FRMPD3: variants seen among roughly 807,000 people sequenced by gnomAD.
FRMPD3 encodes FERM and PDZ domain containing 3, also known as FERM and PDZ domain-containing protein 3.
Under a neutral mutation model 97.9 loss-of-function variants are expected in FRMPD3, and 42 were observed. The observed-to-expected ratio is 0.43, with a 90% CI of 0.34 to 0.55. The LOEUF is 0.55. Among genes scored for constraint, FRMPD3 ranks in the 20% least tolerant of loss-of-function variants. FRMPD3 has a pLI of 0.03. For synonymous variants in FRMPD3, 577 were observed against 581.1 expected (o/e 0.99, Z 0.10); for missense variants, 1,303 against 1,457.7 (o/e 0.89, Z 1.73).
At chrX:107,480,824 CA>C (rs59051211) in intron 1 of FRMPD3, among the ~76,000 whole-genome samples, 1,098 of 30,924 alleles carry the variant, frequency 0.036, 21 homozygotes, top group African/African-American at 0.1. Flanking sequence ...GAAACTCCGT[CA>C]AAAAAAAAAA....
intron 1 of FRMPD3, among the ~76,000 whole-genome samples, chrX:107,450,501 A>T (rs1931263841): frequency 9.2e-6 from 1 of 108,584 alleles, no homozygotes; most frequent in South Asian, 4.1e-4. Flanking sequence ...GCGCACACAC[A>T]CGCACACACA....
In FRMPD3 at chrX:107,597,961, A is replaced by G; in HGVS notation, c.2082A>G (p.Gly694=). The change falls in exon 14 of 15, where the codon GGA becomes GGG. Residue 694 remains glycine, a synonymous_variant. Coordinates refer to ENST00000683843, the MANE Select transcript of FRMPD3 (RefSeq NM_001388459.1). ...GGGCTGTCCAGAGCCAGGAACAAGG[A>G]CGCCACCTGCGTGGGCTTCTGTACG... is the stretch of plus-strand genomic sequence containing the variant. ...KRRAVQSQEQ[G]RHLRGLLYDE... 2.5e-6 allele frequency: 3 copies of G among 1,210,697 alleles called. No homozygotes were observed. The highest frequency in any genetic ancestry group is 3.4e-6 in the Non-Finnish European group (3 of 895,389).
intron 2 of FRMPD3, among the ~76,000 whole-genome samples, chrX:107,529,499 C>A (rs1922840952): frequency 9.0e-6 from 1 of 110,798 alleles, no homozygotes; most frequent in South Asian, 3.9e-4. Context: ...GTGGGAGAAT[C>A]TGTTGAACCT....
At chrX:107,501,137 C>G (rs1921894881) in intron 1 of FRMPD3, among the ~76,000 whole-genome samples, 1 of 109,463 alleles carries the variant, frequency 9.1e-6, no homozygotes, top group Admixed American at 9.9e-5. Context: ...GTGTTTCTTT[C>G]TTTATACCCC....
At chrX:107,490,557 C>T (rs1367714907) in intron 1 of FRMPD3, among the ~76,000 whole-genome samples, 1 of 110,951 alleles carries the variant, frequency 9.0e-6, no homozygotes, top group Non-Finnish European at 1.9e-5. Flanking sequence ...CTTCACATCC[C>T]TTGTAAGTTG....
rs1032340913 is a variant in FRMPD3 at position 107,601,704 on chromosome X, C to T, written c.3665C>T (p.Ala1222Val). The T allele has an allele frequency of 8.3e-7, 1 of 1,209,853 alleles. No homozygotes were observed. Among genetic ancestry groups the T allele is most frequent in the Non-Finnish European group, 1.1e-6 (1 of 895,279 alleles). ...GPFRLRNLFS[A>V]TFPTRQKKET... ...TTCCGGCTACGCAATTTATTCTCTG[C>T]CACCTTCCCAACCCGCCAGAAGAAG... The change falls in exon 15 of 15, where the codon GCC (alanine) becomes GTC (valine). Residue 1222 changes from alanine to valine, a missense_variant. Ala to Val is a moderately conservative substitution (Grantham distance 64). Around this residue, in one of 3 missense-constraint regions of FRMPD3, gnomAD observed 764 missense variants for 820.2 expected, o/e 0.93. Transcript: ENST00000683843.
intron 1 of FRMPD3, among the ~76,000 whole-genome samples, chrX:107,482,966 C>T (rs189975520): frequency 1.8e-5 from 2 of 112,432 alleles, no homozygotes; most frequent in East Asian, 5.6e-4. Context: ...CCTCAACCCA[C>T]TGGTCTGATG....
At chrX:107,500,125 A>T (rs1459158831) in intron 1 of FRMPD3, among the ~76,000 whole-genome samples, 1 of 112,046 alleles carries the variant, frequency 8.9e-6, no homozygotes, top group East Asian at 2.8e-4. Flanking sequence ...GCAACACAAC[A>T]GTACAAATAC....
At chrX:107,591,802 G>C (rs1923915300) in intron 13 of FRMPD3, among the ~76,000 whole-genome samples, 1 of 110,569 alleles carries the variant, frequency 9.0e-6, no homozygotes, top group South Asian at 3.8e-4. Context: ...ATATTTGTGG[G>C]GTACACGAGA....
chrX:107,453,220 C>T (rs185308228), intron 1 of FRMPD3, among the ~76,000 whole-genome samples: 56 of 111,371 alleles, frequency 5.0e-4, no homozygotes, highest in Admixed American at 1.4e-3. Flanking sequence ...TACACACACA[C>T]ATATCACACA....
At chrX:107,491,926 T>C (rs932053668) in intron 1 of FRMPD3, among the ~76,000 whole-genome samples, 4 of 110,174 alleles carry the variant, frequency 3.6e-5, no homozygotes, top group African/African-American at 1.3e-4. Context: ...AGTAGGACTT[T>C]ACAGAGTAAT....
intron 1 of FRMPD3, among the ~76,000 whole-genome samples, chrX:107,523,353 G>C (rs922336116): frequency 1.1e-4 from 12 of 111,701 alleles, no homozygotes; most frequent in African/African-American, 3.9e-4. Context: ...GGATGAATGT[G>C]CTCCAGCCAC....
intron 1 of FRMPD3, among the ~76,000 whole-genome samples, chrX:107,458,188 A>G (rs753853810): frequency 4.0e-4 from 45 of 112,073 alleles, no homozygotes; most frequent in African/African-American, 1.5e-3. Flanking sequence ...AGGCATGGGA[A>G]GAGAAGTCTA....
At position 107,449,900 on chromosome X, in the gene FRMPD3, CCGCCGCCGCCGCCGCCGCCGCTG is replaced by C. The variant is rs1333279765; in HGVS notation, c.-103_-81del. The stretch of plus-strand genomic sequence containing the variant: ...GGGCACGGGTGCCCTAGTCCCGCTG[CCGCCGCCGCCGCCGCCGCCGCTG>C]CGCCGCCGCTGCCGCGCCGCTGAGG... On this transcript the variant is annotated 5_prime_UTR_variant, in exon 1 of 15. Transcript: ENST00000683843. 1.8e-5 allele frequency among the ~76,000 whole-genome samples: 2 copies of C among 108,728 alleles called. No individual in the cohort carries two copies. Among genetic ancestry groups the C allele is most frequent in the East Asian group, 2.9e-4 (1 of 3,431 alleles). 94.4% of individuals were successfully genotyped at this position (108,728 alleles called of 115,157 possible). A position where few individuals can be genotyped will look rare whatever the true frequency, so the allele number is the denominator to read the frequency against.
At chrX:107,473,188 G>T (rs1236950063) in intron 1 of FRMPD3, among the ~76,000 whole-genome samples, 1 of 112,196 alleles carries the variant, frequency 8.9e-6, no homozygotes, top group East Asian at 2.8e-4. Context: ...TGGCAGAGTT[G>T]GGTCCATAAC....
At chrX:107,579,846 T>C (rs1285020749) in intron 13 of FRMPD3, among the ~76,000 whole-genome samples, 1 of 111,621 alleles carries the variant, frequency 9.0e-6, no homozygotes, top group Admixed American at 9.6e-5. Flanking sequence ...TAGAAAACAG[T>C]TTGGTCTGAT....
chrX:107,522,914 C>T (rs908075035), intron 1 of FRMPD3, among the ~76,000 whole-genome samples: 8 of 106,468 alleles, frequency 7.5e-5, no homozygotes, highest in African/African-American at 2.8e-4. Flanking sequence ...AGAAACAAAC[C>T]TCGTGGGGTG....
intron 4 of FRMPD3, among the ~76,000 whole-genome samples, chrX:107,541,963 G>C (rs1355774676): frequency 1.0e-5 from 1 of 99,966 alleles, no homozygotes; most frequent in Non-Finnish European, 2.1e-5. Context: ...GGCCCATTCA[G>C]GTCTCTAGAG....
chrX:107,476,841 A>G (rs1348514564), intron 1 of FRMPD3, among the ~76,000 whole-genome samples: 2 of 112,593 alleles, frequency 1.8e-5, no homozygotes, highest in Non-Finnish European at 3.7e-5. Flanking sequence ...CTCAGGCCAT[A>G]TGCAAGAGGC....
Sources: allele counts gnomAD v4.1 joint callset (sites outside exome capture counted in the v4.1 genomes callset), GRCh38; gene constraint gnomAD v4.1.1; regional missense constraint gnomAD v4.1.1; transcripts MANE v1.5; gene names NCBI Gene and HGNC (gene_info 2026-07-23, HGNC 2026-07-21).